The following DCAF8L2 variants were observed in gnomAD, a reference collection of about 807,000 sequenced individuals.
The protein encoded by DCAF8L2 is DDB1- and CUL4-associated factor 8-like protein 2.
For synonymous variants in DCAF8L2, 200 were observed against 190.9 expected (o/e 1.05, Z -0.39); for missense variants, 430 against 490.7 (o/e 0.88, Z 1.17).
chrX:27,693,231 A>G (rs932910195), intron 3 of DCAF8L2, among the ~76,000 whole-genome samples: 2 of 111,513 alleles, frequency 1.8e-5, no homozygotes, highest in East Asian at 2.8e-4. Context: ...TGTTTCATCA[A>G]TAAAACTGTG....
the DCAF8L2 span, among the ~76,000 whole-genome samples, chrX:27,527,392 G>A: frequency 1.8e-5 from 2 of 111,648 alleles, no homozygotes; most frequent in Admixed American, 1.9e-4. Context: ...TATTGTGGGG[G>A]AGTGACCCGA....
the DCAF8L2 span, among the ~76,000 whole-genome samples, chrX:27,557,282 G>A: frequency 8.9e-6 from 1 of 112,028 alleles, no homozygotes; most frequent in South Asian, 3.7e-4. Flanking sequence ...ACAACTTTTA[G>A]TGTAGTCCTT....
the DCAF8L2 span, among the ~76,000 whole-genome samples, chrX:27,496,804 T>C: frequency 8.9e-6 from 1 of 112,223 alleles, no homozygotes; most frequent in African/African-American, 3.2e-5. Flanking sequence ...CTTAAGAAAC[T>C]GAAAAACTTC....
At chrX:27,720,737 T>A (rs907456901) in intron 4 of DCAF8L2, among the ~76,000 whole-genome samples, 1 of 111,913 alleles carries the variant, frequency 8.9e-6, no homozygotes, top group Non-Finnish European at 1.9e-5. Flanking sequence ...CTCCATTAAA[T>A]CTATAGATCA....
intron 1 of DCAF8L2, among the ~76,000 whole-genome samples, chrX:27,590,954 C>T (rs1165938584): frequency 1.1e-5 from 1 of 92,514 alleles, no homozygotes; most frequent in East Asian, 3.5e-4. Flanking sequence ...AGCACCATAA[C>T]ACATTTATGT....
chrX:27,716,446 A>C (rs1261576251), intron 4 of DCAF8L2, among the ~76,000 whole-genome samples: 3 of 112,793 alleles, frequency 2.7e-5, no homozygotes, highest in Non-Finnish European at 5.6e-5. Flanking sequence ...ATTGAAAAGC[A>C]CAAAAAGAAA....
At chrX:27,479,034 G>A in the DCAF8L2 span, among the ~76,000 whole-genome samples, 1 of 111,289 alleles carries the variant, frequency 9.0e-6, no homozygotes, top group Non-Finnish European at 1.9e-5. Context: ...TCAAGGTGAA[G>A]CTGTAAAAGA....
At chrX:27,699,533 T>C (rs1931050787) in intron 3 of DCAF8L2, among the ~76,000 whole-genome samples, 1 of 111,557 alleles carries the variant, frequency 9.0e-6, no homozygotes, top group African/African-American at 3.3e-5. Flanking sequence ...AGTGGGTCTA[T>C]AGAGGAGCAA....
At chrX:27,489,280 A>C in the DCAF8L2 span, among the ~76,000 whole-genome samples, 1 of 110,705 alleles carries the variant, frequency 9.0e-6, no homozygotes, top group Non-Finnish European at 1.9e-5. Context: ...TGTAGTTTTA[A>C]TAGAGACGGG....
At chrX:27,620,932 A>G (rs6526684) in intron 1 of DCAF8L2, among the ~76,000 whole-genome samples, 9,048 of 112,061 alleles carry the variant, frequency 0.081, 697 homozygotes, top group African/African-American at 0.24. Flanking sequence ...GTCTGTGGAT[A>G]AATGAATAGA....
intron 1 of DCAF8L2, among the ~76,000 whole-genome samples, chrX:27,606,127 C>T (rs2035448080): frequency 9.8e-6 from 1 of 101,787 alleles, no homozygotes. Context: ...GTCTTAAAAA[C>T]TTAATGAAGT....
chrX:27,482,937 G>T, the DCAF8L2 span, among the ~76,000 whole-genome samples: 7 of 111,094 alleles, frequency 6.3e-5, no homozygotes, highest in African/African-American at 1.6e-4. Context: ...ATTCAAAATT[G>T]TATTGTTTTG....
At chrX:27,548,926 C>G in the DCAF8L2 span, among the ~76,000 whole-genome samples, 1 of 111,428 alleles carries the variant, frequency 9.0e-6, no homozygotes, top group East Asian at 2.8e-4. Context: ...TTCCCTTTAG[C>G]GTAATAAATT....
chrX:27,740,534 G>T (rs1313932700), intron 4 of DCAF8L2, among the ~76,000 whole-genome samples: 1 of 111,177 alleles, frequency 9.0e-6, no homozygotes, highest in Admixed American at 9.6e-5. Context: ...GGTCAACAAG[G>T]TTCTGTTTAG....
intron 3 of DCAF8L2, among the ~76,000 whole-genome samples, chrX:27,701,737 C>A (rs1456375519): frequency 9.0e-6 from 1 of 110,781 alleles, no homozygotes; most frequent in African/African-American, 3.3e-5. Context: ...TTTATAGCTG[C>A]AATGCCTTTA....
intron 4 of DCAF8L2, among the ~76,000 whole-genome samples, chrX:27,743,648 G>A (rs1032319034): frequency 9.2e-6 from 1 of 109,173 alleles, no homozygotes; most frequent in African/African-American, 3.3e-5. Flanking sequence ...ACCTACCTCA[G>A]CCTCCCAAAG....
the DCAF8L2 span, among the ~76,000 whole-genome samples, chrX:27,499,465 G>A: frequency 1.8e-5 from 2 of 111,612 alleles, no homozygotes; most frequent in African/African-American, 6.5e-5. Context: ...GTATATTTTG[G>A]ATATTAACCC....
the DCAF8L2 span, chrX:27,518,947 C>T: frequency 1.7e-6 from 1 of 586,877 alleles, no homozygotes; most frequent in African/African-American, 2.2e-5. Context: ...CAAAAAGGCA[C>T]CTGATTTTGT....
chrX:27,482,670 T>G, the DCAF8L2 span, among the ~76,000 whole-genome samples: 1 of 111,949 alleles, frequency 8.9e-6, no homozygotes, highest in African/African-American at 3.2e-5. Flanking sequence ...CAAGTTATTT[T>G]AGAACAATCT....
Sources: gnomAD v4.1 joint callset for allele counts (sites outside exome capture counted in the v4.1 genomes callset) on GRCh38, gnomAD v4.1.1 for gene constraint, MANE v1.5 for transcripts, NCBI Gene and HGNC (gene_info 2026-07-23, HGNC 2026-07-21) for gene names.